The following INSRR variants were observed in gnomAD, a reference collection of about 807,000 sequenced individuals.
INSRR encodes insulin receptor-related protein.
A neutral mutation model predicts 130.0 loss-of-function variants in INSRR; 114 were observed. The ratio of observed to expected loss-of-function variants is 0.88; its 90% CI spans 0.75 to 1.02. The LOEUF (loss-of-function observed/expected upper bound fraction) is 1.02. INSRR is among the 50% of genes least tolerant of loss of function. INSRR has a pLI of 0.00. For synonymous variants in INSRR, 674 were observed against 705.2 expected (o/e 0.96, Z 0.70); for missense variants, 1,657 against 1,735.2 (o/e 0.95, Z 0.80).
In INSRR at chr1:156,840,646, G is replaced by A. The variant is rs1030531116; in HGVS notation, c.*227C>T. 3.4e-6 allele frequency: 2 copies of A among 585,818 alleles called. No homozygotes were observed. The highest frequency in any genetic ancestry group is 6.0e-5 in the Admixed American group (2 of 33,274). The allele number at this position is 585,818 out of a possible 1,614,324, so 36.3% of individuals were successfully genotyped here. ...CCCTGACCTGATCTCTACTCCTCTG[G>A]CTTTGACCCTGCTTGCTCTCCCCCG... On this transcript the variant is annotated 3_prime_UTR_variant, in exon 22 of 22. Transcript: ENST00000368195.
At chr1:156,857,163 ATG>A (rs57324546) in intron 1 of INSRR, among the ~76,000 whole-genome samples, 29,867 of 129,854 alleles carry the variant, frequency 0.23, 2,923 homozygotes, top group East Asian at 0.38. Context: ...GCAGCTGTGT[ATG>A]TGTGTGTGTG....
In INSRR at chr1:156,849,363, C is replaced by T. The variant is rs567958070; in HGVS notation, c.1327G>A (p.Ala443Thr). 49 of 1,613,912 alleles carry T rather than the reference C, an allele frequency of 3.0e-5. No individual in the cohort carries two copies. The highest frequency in any genetic ancestry group is 1.7e-5 in the Admixed American group (1 of 59,980). The change falls in exon 6 of 22, where the codon GCC becomes ACC. Residue 443 changes from alanine (A) to threonine (T), a missense_variant. Transcript: ENST00000368195. Reference sequence around the variant, plus strand: ...TCCAAGCAGAGGCGCGGGTTGAAGGCGAAGTAGATCTTGCCCACGGGAATG... The same window carrying T: ...TCCAAGCAGAGGCGCGGGTTGAAGGTGAAGTAGATCTTGCCCACGGGAATG... The part of the protein sequence containing the change: ...LTIPVGKIYF[A>T]FNPRLCLEHI...
At chr1:156,847,555 C>A (rs1655054207) in intron 7 of INSRR, among the ~76,000 whole-genome samples, 1 of 152,082 alleles carries the variant, frequency 6.6e-6, no homozygotes. Flanking sequence ...TCATGCTGAG[C>A]CAGGGACAAA....
At chr1:156,841,992 G>A in intron 19 of INSRR, 120 bp downstream of exon 19, 4 of 1,562,496 alleles carry the variant, frequency 2.6e-6, no homozygotes, top group Non-Finnish European at 3.5e-6. Context: ...TACAGGGTGG[G>A]GGTGACTTGC....
chr1:156,849,145 G>T (rs1655114208), intron 6 of INSRR, 98 bp from the exon 7 acceptor site: 11 of 1,594,902 alleles, frequency 6.9e-6, no homozygotes, highest in Non-Finnish European at 9.4e-6. Context: ...GACCTCTGAG[G>T]AGAACTTCTC....
chr1:156,841,095 C>G lies in INSRR; in HGVS notation c.3672G>C (p.Leu1224=), dbSNP rs1317815432. 1 of 1,559,916 alleles carries G rather than the reference C, an allele frequency of 6.4e-7. No homozygotes were observed. Among genetic ancestry groups the G allele is most frequent in the Non-Finnish European group, 8.7e-7 (1 of 1,151,650 alleles). The change falls in exon 22 of 22, where the codon CTG becomes CTC. Residue 1224 remains leucine, a synonymous_variant. Transcript: ENST00000368195. ...GGTTCGGCTGCCAGCAGCGGCTCATCAGCTCCTGCCTGGTGGGTGTGGGGA... is the reference window on the plus strand; with the variant it reads ...GGTTCGGCTGCCAGCAGCGGCTCATGAGCTCCTGCCTGGTGGGTGTGGGGA... The part of the protein sequence containing the change: ...LEGCPLQLQE[L]MSRCWQPNPR...
chr1:156,849,483 G>A, intron 5 of INSRR, 23 bp from the exon 6 acceptor site: 1 of 1,373,070 alleles, frequency 7.3e-7, no homozygotes, highest in Non-Finnish European at 1.0e-6. Context: ...AGGGGACCTT[G>A]CTCTGCGGGG....
At chr1:156,844,133 C>T in intron 15 of INSRR, 42 bp downstream of exon 15, 1 of 1,430,314 alleles carries the variant, frequency 7.0e-7, no homozygotes, top group Non-Finnish European at 9.8e-7. Flanking sequence ...GATGAGGGCT[C>T]AGGGAGAAAA....
rs1004080370 is a variant in INSRR at position 156,844,555 on chromosome 1, G to C, written c.2644C>G (p.Pro882Ala). The C allele has an allele frequency of 6.2e-7, 1 of 1,614,198 alleles. No individual in the cohort carries two copies. Among genetic ancestry groups the C allele is most frequent in the East Asian group, 2.2e-5 (1 of 44,886 alleles). ...ACCCTGGCAGAGTAGTTTCCAGGGG[G>C]CAGCAGGGCCAGGTGGACTCCCCCA... ...KFGGVHLALL[P>A]PGNYSARVRA... The change falls in exon 14 of 22, where the codon CCC becomes GCC. Residue 882 changes from proline to alanine, a missense_variant. Coordinates refer to ENST00000368195, the MANE Select transcript of INSRR (RefSeq NM_014215.3).
chr1:156,841,933 C>T lies in INSRR; in HGVS notation c.3398-139G>A. The T allele has an allele frequency of 2.6e-6, 4 of 1,554,046 alleles. No homozygotes were observed. The South Asian group carries it at 4.5e-5, about 17-fold the overall frequency. ...TGGAAAGTAGGGGCTCAATGGACCT[C>T]AGAACTCATCCCATCCAAACCCCTC... On this transcript the variant is annotated intron_variant, in intron 19 of 21. Coordinates refer to ENST00000368195, the MANE Select transcript of INSRR (RefSeq NM_014215.3).
Position 156,844,521 on chromosome 1 carries a change from G to T in INSRR, c.2678C>A (p.Thr893Asn). Residue 893 changes from threonine to asparagine, a missense_variant, in exon 14 of 22, where the codon ACC becomes AAC. Transcript: ENST00000368195. ...CCAAGAGCCATTGCCAGCCAGTGAGGTTGCCCTAACCCTGGCAGAGTAGTT... is the reference window on the plus strand; with the variant it reads ...CCAAGAGCCATTGCCAGCCAGTGAGTTTGCCCTAACCCTGGCAGAGTAGTT... ...PGNYSARVRA[T>N]SLAGNGSWTD... 3 of 1,614,176 alleles carry T rather than the reference G, an allele frequency of 1.9e-6. No individual in the cohort carries two copies. Among genetic ancestry groups the T allele is most frequent in the Non-Finnish European group, 2.5e-6 (3 of 1,180,022 alleles).
chr1:156,842,475 G>C lies in INSRR; in HGVS notation c.3160C>G (p.Pro1054Ala). 6.2e-7 allele frequency: 1 copy of C among 1,614,078 alleles called. No individual in the cohort carries two copies. The highest frequency in any genetic ancestry group is 8.5e-7 in the Non-Finnish European group (1 of 1,179,980). The change falls in exon 18 of 22, where the codon CCA becomes GCA. Residue 1054 changes from proline (P) to alanine (A), a missense_variant. Coordinates refer to ENST00000368195, the MANE Select transcript of INSRR (RefSeq NM_014215.3). ...ATTAACTCCATGATGACCAGAGTTG[G>C]CTGGCCCTGAGATACCACACCCAGG... ...RLLGVVSQGQ[P>A]TLVIMELMTR...
intron 5 of INSRR, among the ~76,000 whole-genome samples, chr1:156,850,967 AGAT>A (rs1655184461): frequency 1.3e-5 from 2 of 152,236 alleles, no homozygotes; most frequent in Non-Finnish European, 2.9e-5. Context: ...TGACAGGACC[AGAT>A]GATGACAATT....
chr1:156,852,773 G>C (rs1655270676), intron 2 of INSRR, among the ~76,000 whole-genome samples: 1 of 152,250 alleles, frequency 6.6e-6, no homozygotes, highest in East Asian at 1.9e-4. Flanking sequence ...TGTGGGGTAG[G>C]GGTCAGCCAG....
Position 156,848,940 on chromosome 1 carries a change from T to A in INSRR, c.1552A>T (p.Ile518Phe). ...ACTCACGACTCCTTGTAGTACACGA[T>A]GAAGCTGAGCAGGTCGCGGGCCTCC... ...PLEARDLLSF[I>F]VYYKESPFQN... is the part of the protein sequence containing the mutation. Residue 518 changes from isoleucine to phenylalanine, a missense_variant, in exon 7 of 22, where the codon ATC becomes TTC. By Grantham distance (21) the Ile-to-Phe change is conservative. Coordinates refer to ENST00000368195, the MANE Select transcript of INSRR (RefSeq NM_014215.3). 3.2e-6 allele frequency: 5 copies of A among 1,586,380 alleles called. No individual in the cohort carries two copies. The highest frequency in any genetic ancestry group is 1.3e-5 in the African/African-American group (1 of 74,626).
chr1:156,845,503 C>G, intron 10 of INSRR, 90 bp from the exon 11 acceptor site: 2 of 1,493,566 alleles, frequency 1.3e-6, no homozygotes, highest in Non-Finnish European at 1.8e-6. Flanking sequence ...GCACCCACAA[C>G]CCGGGACCCG....
Position 156,841,736 on chromosome 1 carries a change from C to A in INSRR, c.3456G>T (p.Gly1152=), listed in dbSNP as rs768383322. Residue 1152 remains glycine (G), a synonymous_variant, in exon 20 of 22, where the codon GGG becomes GGT. Transcript: ENST00000368195. ...ETDYYRKGGK[G]LLPVRWMAPE... is the part of the protein sequence containing the mutation. ...GGGCCATCCAGCGCACGGGCAGCAG[C>A]CCCTTCCCACCCTTGCGGTAATAGT... 3 of 1,614,018 alleles carry A rather than the reference C, an allele frequency of 1.9e-6. No individual in the cohort carries two copies. Among genetic ancestry groups the A allele is most frequent in the Non-Finnish European group, 2.5e-6 (3 of 1,180,020 alleles).
At chr1:156,841,932 T>A in intron 19 of INSRR, 138 bp from the exon 20 acceptor site, 1 of 1,552,298 alleles carries the variant, frequency 6.4e-7, no homozygotes, top group Non-Finnish European at 8.9e-7. Flanking sequence ...TCAATGGACC[T>A]CAGAACTCAT....
chr1:156,844,489 T>C lies in INSRR; in HGVS notation c.2710A>G (p.Ser904Gly). The change falls in exon 14 of 22, where the codon AGT becomes GGT. Residue 904 changes from serine (S) to glycine (G), a missense_variant. By Grantham distance (56) the Ser-to-Gly change is moderately conservative (BLOSUM62 0). Coordinates refer to ENST00000368195, the MANE Select transcript of INSRR (RefSeq NM_014215.3). ...SLAGNGSWTD[S>G]VAFYILGPEE... ...GGGCCAAGGATGTAGAAGGCAACAC[T>C]GTCTGTCCAAGAGCCATTGCCAGCC... 6.2e-7 allele frequency: 1 copy of C among 1,614,072 alleles called. No homozygotes were observed.
Sources: gnomAD v4.1 joint callset for allele counts (sites outside exome capture counted in the v4.1 genomes callset) on GRCh38, gnomAD v4.1.1 for gene constraint, MANE v1.5 for transcripts, NCBI Gene and HGNC (gene_info 2026-07-23, HGNC 2026-07-21) for gene names.